The following AMDHD2 variants were observed in gnomAD, a reference collection of about 807,000 sequenced individuals.
The protein encoded by AMDHD2 is amidohydrolase domain containing 2.
Under a neutral mutation model 41.8 loss-of-function variants are expected in AMDHD2, and 24 were observed. The observed-to-expected ratio is 0.57, with a 90% CI of 0.42 to 0.81. The LOEUF is 0.81. Among genes scored for constraint, AMDHD2 ranks in the 30% least tolerant of loss-of-function variants. AMDHD2 has a pLI of 0.00. For synonymous variants in AMDHD2, 332 were observed against 255.5 expected (o/e 1.30, Z -2.85); for missense variants, 540 against 588.5 (o/e 0.92, Z 0.85).
In AMDHD2 at chr16:2,520,448, C is replaced by G; in HGVS notation, c.-11C>G. 8.1e-7 allele frequency: 1 copy of G among 1,232,590 alleles called. No individual in the cohort carries two copies. The highest frequency in any genetic ancestry group is 1.0e-6 in the Non-Finnish European group (1 of 981,618). The allele number at this position is 1,232,590 out of a possible 1,614,324, so 76.4% of individuals were successfully genotyped here. A position where few individuals can be genotyped will look rare whatever the true frequency, so the allele number is the denominator to read the frequency against. On this transcript the variant is annotated 5_prime_UTR_variant, in exon 1 of 11. Coordinates refer to ENST00000293971, the MANE Select transcript of AMDHD2 (RefSeq NM_001330449.2). ...GGGCTCCGGAGCCGCTCGCTCCCGA[C>G]ACGGCTCACGATGCGCGGCGAGCAG... is the stretch of plus-strand genomic sequence containing the variant.
chr16:2,528,426 C>T lies in AMDHD2; in HGVS notation c.863-26C>T, dbSNP rs771927570. 9 of 1,612,690 alleles carry T rather than the reference C, an allele frequency of 5.6e-6. No homozygotes were observed. The African/African-American group carries it at 6.7e-5, about 12-fold the overall frequency. The stretch of plus-strand genomic sequence containing the variant: ...AGGACAGGTAGGATGACTGGGCTAG[C>T]AGGTTCTGAGCCTCTTCTCCCCCAG... On this transcript the variant is annotated intron_variant, in intron 7 of 10. Coordinates refer to ENST00000293971, the MANE Select transcript of AMDHD2 (RefSeq NM_001330449.2).
chr16:2,521,271 T>G (rs544981359), intron 3 of AMDHD2, 148 bp downstream of exon 3: 2 of 1,106,928 alleles, frequency 1.8e-6, no homozygotes, highest in Non-Finnish European at 2.4e-6. Flanking sequence ...TGGGCCTGGG[T>G]CCCGCCCCTG....
At chr16:2,528,864 C>T (rs1306127674) in intron 9 of AMDHD2, 130 bp from the exon 10 acceptor site, 1 of 1,493,684 alleles carries the variant, frequency 6.7e-7, no homozygotes, top group Admixed American at 2.2e-5. Flanking sequence ...CCCAGGGTGA[C>T]AGGCAGACCA....
At chr16:2,525,747 C>T (rs961239891) in intron 3 of AMDHD2, among the ~76,000 whole-genome samples, 1 of 152,106 alleles carries the variant, frequency 6.6e-6, no homozygotes, top group Non-Finnish European at 1.5e-5. Flanking sequence ...GGTTTCACCA[C>T]ATTAGCCAGG....
chr16:2,525,181 G>A (rs571338123), intron 3 of AMDHD2, among the ~76,000 whole-genome samples: 5 of 148,300 alleles, frequency 3.4e-5, no homozygotes, highest in East Asian at 2.1e-4. Flanking sequence ...TTCAGCCTCC[G>A]GAGTAGCTGG....
At chr16:2,528,794 G>C in intron 9 of AMDHD2, 76 bp downstream of exon 9, 1 of 1,588,086 alleles carries the variant, frequency 6.3e-7, no homozygotes, top group African/African-American at 1.4e-5. Flanking sequence ...CGGGTGCCCG[G>C]ACTGTAGCCC....
At position 2,527,615 on chromosome 16, in the gene AMDHD2, G is replaced by A. The variant is rs929931931; in HGVS notation, c.415G>A (p.Gly139Arg). 4.3e-6 allele frequency: 7 copies of A among 1,611,858 alleles called. No individual in the cohort carries two copies. Among genetic ancestry groups the A allele is most frequent in the African/African-American group, 1.3e-5 (1 of 74,858 alleles). Residue 139 changes from glycine to arginine, a missense_variant and splice_region_variant, in exon 4 of 11, where the codon GGG (glycine) becomes AGG (arginine). Transcript: ENST00000293971. The surrounding 1 kb of genome is among the most constrained non-coding windows in gnomAD (Gnocchi z 6.1). ...TGGTCCCCATGGGGCAGGGGTCCTC[G>A]GTGAGTGGCTGACCTCCTCCCCGCC... is the stretch of plus-strand genomic sequence containing the variant. ...SGGPHGAGVL[G>R]LHLEGPFISR...
chr16:2,526,937 AC>A (rs2066011124), intron 3 of AMDHD2: 1 of 152,482 alleles, frequency 6.6e-6, no homozygotes. Flanking sequence ...TTCCAAAAAA[AC>A]AAAAAAAGTG....
Position 2,529,883 on chromosome 16 carries a change from G to A in AMDHD2, c.*320G>A. ...AGTGGGGGACAGGGCCTGTCTGCAT[G>A]AAGTGGACCGGAGACCTGCAGACCC... On this transcript the variant is annotated 3_prime_UTR_variant, in exon 11 of 11. Coordinates refer to ENST00000293971, the MANE Select transcript of AMDHD2 (RefSeq NM_001330449.2). 2 of 1,219,800 alleles carry A rather than the reference G, an allele frequency of 1.6e-6. No individual in the cohort carries two copies. The highest frequency in any genetic ancestry group is 1.7e-5 in the South Asian group (1 of 57,472). 75.6% of individuals were successfully genotyped at this position (1,219,800 alleles called of 1,614,324 possible).
Position 2,530,032 on chromosome 16 carries a change from G to A in AMDHD2, c.*469G>A, listed in dbSNP as rs2066064357. The A allele has an allele frequency of 1.3e-6, 1 of 765,184 alleles. No homozygotes were observed. The highest frequency in any genetic ancestry group is 3.0e-5 in the Admixed American group (1 of 33,602). The allele number at this position is 765,184 out of a possible 1,614,324, so 47.4% of individuals were successfully genotyped here. ...GGACCAGTCACAGGGAGTGTGGACA[G>A]TCAGGGGTTTGCTTTCTGCTCCTGA... On this transcript the variant is annotated 3_prime_UTR_variant, in exon 11 of 11. Transcript: ENST00000293971.
chr16:2,530,533 T>G lies in AMDHD2; in HGVS notation c.*970T>G. 6.2e-7 allele frequency: 1 copy of G among 1,614,186 alleles called. No individual in the cohort carries two copies. Among genetic ancestry groups the G allele is most frequent in the Non-Finnish European group, 8.5e-7 (1 of 1,180,012 alleles). ...ACGTCAGGGGTGATTGTCTTGACTT[T>G]CTCTCCATTTGAGTTCTGGGGTGGG... is the stretch of plus-strand genomic sequence containing the variant. On this transcript the variant is annotated 3_prime_UTR_variant, in exon 11 of 11. Transcript: ENST00000293971.
rs1012777068 is a variant in AMDHD2 at position 2,527,708 on chromosome 16, G to T, written c.416-65G>T. 1 of 1,554,692 alleles carries T rather than the reference G, an allele frequency of 6.4e-7. No homozygotes were observed. ...CCCCTCCAGATGCCCAGCTGGTGGG[G>T]AGGGCAGGTGATAAGGGCTGGGTGG... On this transcript the variant is annotated intron_variant, in intron 4 of 10. Coordinates refer to ENST00000293971, the MANE Select transcript of AMDHD2 (RefSeq NM_001330449.2). The surrounding 1 kb of genome is among the most constrained non-coding windows in gnomAD (Gnocchi z 6.1).
In AMDHD2 at chr16:2,528,441, T is replaced by C. The variant is rs753976025; in HGVS notation, c.863-11T>C. 9.3e-6 allele frequency: 15 copies of C among 1,612,828 alleles called. No individual in the cohort carries two copies. The highest frequency in any genetic ancestry group is 1.1e-5 in the Non-Finnish European group (13 of 1,179,920). ...ACTGGGCTAGCAGGTTCTGAGCCTC[T>C]TCTCCCCCAGGGCTGGTGCTGGTCA... On this transcript the variant is annotated splice_polypyrimidine_tract_variant and intron_variant, in intron 7 of 10. Coordinates refer to ENST00000293971, the MANE Select transcript of AMDHD2 (RefSeq NM_001330449.2).
Position 2,531,077 on chromosome 16 carries a change from C to T in AMDHD2, c.*1514C>T, listed in dbSNP as rs1321737285. On this transcript the variant is annotated 3_prime_UTR_variant, in exon 11 of 11. Coordinates refer to ENST00000293971, the MANE Select transcript of AMDHD2 (RefSeq NM_001330449.2). ...TGTCAGTGCTTGATGTGCCCATCCTCAGCTAAAACCCAGAGCTGGCATGTT... is the reference window on the plus strand; with the variant it reads ...TGTCAGTGCTTGATGTGCCCATCCTTAGCTAAAACCCAGAGCTGGCATGTT... 6.3e-7 allele frequency: 1 copy of T among 1,581,308 alleles called. No individual in the cohort carries two copies. Among genetic ancestry groups the T allele is most frequent in the African/African-American group, 1.3e-5 (1 of 74,402 alleles).
In AMDHD2 at chr16:2,530,056, G is replaced by T; in HGVS notation, c.*493G>T. 2 of 837,904 alleles carry T rather than the reference G, an allele frequency of 2.4e-6. No homozygotes were observed. The highest frequency in any genetic ancestry group is 2.7e-5 in the East Asian group (1 of 37,022). 51.9% of individuals were successfully genotyped at this position (837,904 alleles called of 1,614,324 possible). A position where few individuals can be genotyped will look rare whatever the true frequency, so the allele number is the denominator to read the frequency against. On this transcript the variant is annotated 3_prime_UTR_variant, in exon 11 of 11. Transcript: ENST00000293971. Reference sequence around the variant, plus strand: ...AGTCAGGGGTTTGCTTTCTGCTCCTGAGTTGGGGTGTGCAGCGTGGAGCCC... The same window carrying T: ...AGTCAGGGGTTTGCTTTCTGCTCCTTAGTTGGGGTGTGCAGCGTGGAGCCC...
In AMDHD2 at chr16:2,520,455, C is replaced by A; in HGVS notation, c.-4C>A. On this transcript the variant is annotated 5_prime_UTR_variant, in exon 1 of 11. Transcript: ENST00000293971. Reference sequence around the variant, plus strand: ...GGAGCCGCTCGCTCCCGACACGGCTCACGATGCGCGGCGAGCAGGGCGCGG... The same window carrying A: ...GGAGCCGCTCGCTCCCGACACGGCTAACGATGCGCGGCGAGCAGGGCGCGG... 5 of 1,235,904 alleles carry A rather than the reference C, an allele frequency of 4.0e-6. No individual in the cohort carries two copies. Among genetic ancestry groups the A allele is most frequent in the Non-Finnish European group, 4.1e-6 (4 of 983,110 alleles). 76.6% of individuals were successfully genotyped at this position (1,235,904 alleles called of 1,614,324 possible). A position where few individuals can be genotyped will look rare whatever the true frequency, so the allele number is the denominator to read the frequency against.
Position 2,528,640 on chromosome 16 carries a change from T to G in AMDHD2, c.971-10T>G. 6.2e-7 allele frequency: 1 copy of G among 1,613,030 alleles called. No individual in the cohort carries two copies. Among genetic ancestry groups the G allele is most frequent in the Non-Finnish European group, 8.5e-7 (1 of 1,179,928 alleles). ...CGACCCCCCCAGAGCCTGCCCTCTC[T>G]GCTCTCAAGGCACCAAGACGCTGAG... On this transcript the variant is annotated splice_polypyrimidine_tract_variant and intron_variant, in intron 8 of 10. Transcript: ENST00000293971.
At position 2,529,745 on chromosome 16, in the gene AMDHD2, C is replaced by T. The variant is rs28707366; in HGVS notation, c.*182C>T. On this transcript the variant is annotated 3_prime_UTR_variant, in exon 11 of 11. Transcript: ENST00000293971. ...CACCCAGCAGGACTCGCCTTGGCTC[C>T]GGGTTTTGCTTGTGCTCACATGTGG... The T allele has an allele frequency of 4.3e-3, 6,188 of 1,441,708 alleles. 172 individuals carry two copies. The African/African-American group carries it at 0.067, about 16-fold the overall frequency. 89.3% of individuals were successfully genotyped at this position (1,441,708 alleles called of 1,614,324 possible).
rs775953826 is a variant in AMDHD2 at position 2,530,538 on chromosome 16, C to G, written c.*975C>G. The G allele has an allele frequency of 4.3e-6, 7 of 1,614,188 alleles. No homozygotes were observed. In the East Asian group the frequency reaches 1.3e-4, roughly 31 times the overall value. ...AGGGGTGATTGTCTTGACTTTCTCT[C>G]CATTTGAGTTCTGGGGTGGGTGGCT... On this transcript the variant is annotated 3_prime_UTR_variant, in exon 11 of 11. Transcript: ENST00000293971.
Sources: allele counts gnomAD v4.1 joint callset (sites outside exome capture counted in the v4.1 genomes callset), GRCh38; gene constraint gnomAD v4.1.1; non-coding constraint Gnocchi (gnomAD v3.1); transcripts MANE v1.5; gene names NCBI Gene and HGNC (gene_info 2026-07-23, HGNC 2026-07-21).